The following IL1RL1 variants were observed in gnomAD, a reference collection of about 807,000 sequenced individuals.
The protein encoded by IL1RL1 is interleukin-1 receptor-like 1.
A neutral mutation model predicts 50.9 loss-of-function variants in IL1RL1; 32 were observed. The observed-to-expected ratio is 0.63, with a 90% CI of 0.47 to 0.84. The LOEUF (loss-of-function observed/expected upper bound fraction) is 0.84. Among genes scored for constraint, IL1RL1 ranks in the 40% least tolerant of loss-of-function variants. The pLI, the probability that IL1RL1 is intolerant of heterozygous loss-of-function variation, is 0.00. For missense variants in IL1RL1, 773 were observed against 662.9 expected (o/e 1.17, Z -1.82); for synonymous variants, 275 against 236.0 (o/e 1.17, Z -1.51).
chr2:102,330,741 A>T (rs12996772), intron 1 of IL1RL1, among the ~76,000 whole-genome samples: 72,769 of 152,056 alleles, frequency 0.48, 17,696 homozygotes, highest in Middle Eastern at 0.64. Flanking sequence ...TTTTGTCTGG[A>T]CTGTGGCTTA....
intron 1 of IL1RL1, among the ~76,000 whole-genome samples, chr2:102,318,466 C>T (rs1676743052): frequency 6.6e-6 from 1 of 152,086 alleles, no homozygotes; most frequent in African/African-American, 2.4e-5. Context: ...GGGAGAAGAA[C>T]AGGGATTCAT....
chr2:102,324,088 AT>A (rs1223324114), intron 1 of IL1RL1, among the ~76,000 whole-genome samples: 3 of 148,950 alleles, frequency 2.0e-5, no homozygotes, highest in Non-Finnish European at 4.4e-5. Flanking sequence ...GCTGACGGTC[AT>A]TGGTCTTGTT....
At chr2:102,336,611 T>C (rs961167373) in intron 1 of IL1RL1, among the ~76,000 whole-genome samples, 1 of 152,164 alleles carries the variant, frequency 6.6e-6, no homozygotes, top group Non-Finnish European at 1.5e-5. Context: ...TGGTTTTCTT[T>C]GTCACTCCCC....
intron 8 of IL1RL1, chr2:102,346,092 C>T: frequency 4.2e-6 from 4 of 955,288 alleles, no homozygotes; most frequent in Non-Finnish European, 5.0e-6. Flanking sequence ...CAAATTATTA[C>T]TACTGCTATT....
chr2:102,348,147 G>A, intron 9 of IL1RL1, 56 bp downstream of exon 9: 2 of 1,397,868 alleles, frequency 1.4e-6, no homozygotes, highest in Non-Finnish European at 1.0e-6. Flanking sequence ...AATAACTGTT[G>A]GTTACCTGTC....
chr2:102,317,577 T>G (rs1160992392), intron 1 of IL1RL1, among the ~76,000 whole-genome samples: 3 of 152,150 alleles, frequency 2.0e-5, no homozygotes, highest in Non-Finnish European at 4.4e-5. Context: ...TGATATTTTT[T>G]TCACGTGAGA....
intron 5 of IL1RL1, 32 bp downstream of exon 5, chr2:102,340,860 T>C (rs769041784): frequency 1.3e-6 from 2 of 1,511,960 alleles, no homozygotes; most frequent in Non-Finnish European, 8.8e-7. Context: ...GATAGAATAC[T>C]ACGTGAAAGA....
In IL1RL1 at chr2:102,338,150, G is replaced by A. The variant is rs1332123814; in HGVS notation, c.-115G>A. 2 of 615,288 alleles carry A rather than the reference G, an allele frequency of 3.3e-6. No homozygotes were observed. The highest frequency in any genetic ancestry group is 5.9e-6 in the Non-Finnish European group (2 of 341,660). 38.1% of individuals were successfully genotyped at this position (615,288 alleles called of 1,614,324 possible). ...AGGCTACTCTTCCCAACTCAGTCTT[G>A]AAGAGTATCACCAACTGCCTCATGT... is the stretch of plus-strand genomic sequence containing the variant. On this transcript the variant is annotated 5_prime_UTR_variant, in exon 2 of 11. It removes the in-frame stop codon of an upstream open reading frame in the 5' UTR. Coordinates refer to ENST00000233954, the MANE Select transcript of IL1RL1 (RefSeq NM_016232.5).
At chr2:102,336,964 T>A (rs1413876346) in intron 1 of IL1RL1, among the ~76,000 whole-genome samples, 1 of 152,210 alleles carries the variant, frequency 6.6e-6, no homozygotes, top group Non-Finnish European at 1.5e-5. Context: ...AGGTCCCCGA[T>A]GTCAAGACCA....
At chr2:102,350,122 T>C (rs992406670) in intron 10 of IL1RL1, among the ~76,000 whole-genome samples, 9 of 64,558 alleles carry the variant, frequency 1.4e-4, no homozygotes, top group Non-Finnish European at 2.8e-4. Flanking sequence ...TAGGAGAATC[T>C]AATGCATTTC....
intron 5 of IL1RL1, 151 bp downstream of exon 5, chr2:102,340,979 C>A: frequency 1.4e-6 from 1 of 720,712 alleles, no homozygotes; most frequent in Non-Finnish European, 2.1e-6. Flanking sequence ...AACTATGACG[C>A]AAAGAGGTTT....
In IL1RL1 at chr2:102,340,752, T is replaced by C. The variant is rs756324024; in HGVS notation, c.534T>C (p.Asp178=). The C allele has an allele frequency of 5.0e-6, 8 of 1,596,688 alleles. No individual in the cohort carries two copies. The African/African-American group carries it at 5.4e-5, about 11-fold the overall frequency. The change falls in exon 5 of 11, where the codon GAT becomes GAC. Residue 178 remains aspartate (D), a synonymous_variant. Coordinates refer to ENST00000233954, the MANE Select transcript of IL1RL1 (RefSeq NM_016232.5). ...IDNVMTEDAG[D]YTCKFIHNEN... ...ATGTGATGACTGAGGACGCAGGTGATTACACCTGTAAATTTATACACAATG... is the reference window on the plus strand; with the variant it reads ...ATGTGATGACTGAGGACGCAGGTGACTACACCTGTAAATTTATACACAATG...
chr2:102,338,388 A>T (rs1677410778), intron 2 of IL1RL1, 63 bp downstream of exon 2: 1 of 999,954 alleles, frequency 1.0e-6, no homozygotes, highest in Non-Finnish European at 1.5e-6. Context: ...AAGAACATTT[A>T]CCTTGTTTTA....
rs1270883002 is a variant in IL1RL1, at chr2:102,312,085, CATT to C, written c.-150+468_-150+470del. 8.6e-5 allele frequency among the ~76,000 whole-genome samples: 7 copies of C among 81,782 alleles called. 1 individual carries two copies. The South Asian group carries it at 9.1e-4, about 11-fold the overall frequency. The allele number at this position is 81,782 out of a possible 152,430, so 53.7% of individuals were successfully genotyped here. A position where few individuals can be genotyped will look rare whatever the true frequency, so the allele number is the denominator to read the frequency against. ...TAACATTATTGTTATAATGTTATAACATTATTATATATTAAATATAATATATAT... is the reference window on the plus strand; with the variant it reads ...TAACATTATTGTTATAATGTTATAACATTATATATTAAATATAATATATAT... On this transcript the variant is annotated intron_variant, in intron 1 of 10. Transcript: ENST00000233954.
At chr2:102,348,645 C>T (rs1255059029) in intron 9 of IL1RL1, among the ~76,000 whole-genome samples, 2 of 152,182 alleles carry the variant, frequency 1.3e-5, no homozygotes, top group African/African-American at 4.8e-5. Flanking sequence ...GAAGTAGGAG[C>T]TCATTGTTTG....
chr2:102,316,037 T>A (rs985891461), intron 1 of IL1RL1, among the ~76,000 whole-genome samples: 8 of 152,196 alleles, frequency 5.3e-5, no homozygotes, highest in Non-Finnish European at 1.0e-4. Context: ...CCAGTGATGG[T>A]TTGTGCCTCT....
chr2:102,312,442 T>A (rs913632986), intron 1 of IL1RL1, among the ~76,000 whole-genome samples: 1 of 151,992 alleles, frequency 6.6e-6, no homozygotes, highest in African/African-American at 2.4e-5. Context: ...GGAAAAGACC[T>A]GGTTGAGGGT....
chr2:102,320,757 A>G (rs1024401416), intron 1 of IL1RL1, among the ~76,000 whole-genome samples: 1 of 152,140 alleles, frequency 6.6e-6, no homozygotes, highest in African/African-American at 2.4e-5. Context: ...ATCTATCTGC[A>G]TCCCAATCAT....
At chr2:102,348,759 A>G (rs984928418) in intron 9 of IL1RL1, among the ~76,000 whole-genome samples, 12 of 152,156 alleles carry the variant, frequency 7.9e-5, no homozygotes, top group Non-Finnish European at 1.5e-4. Flanking sequence ...CAAAGATGAA[A>G]CCAAAGTCTA....
Sources: gnomAD v4.1 joint callset for allele counts (sites outside exome capture counted in the v4.1 genomes callset) on GRCh38, gnomAD v4.1.1 for gene constraint, MANE v1.5 for transcripts, NCBI Gene and HGNC (gene_info 2026-07-23, HGNC 2026-07-21) for gene names.